Variants in PARD3 observed in about 807,000 individuals in gnomAD.
PARD3 encodes the protein partitioning defective 3 homolog.
Under a neutral mutation model 155.4 loss-of-function variants are expected in PARD3, and 75 were observed. The observed-to-expected ratio is 0.48, with a 90% CI of 0.40 to 0.58. The LOEUF is 0.58. Ranked by LOEUF, PARD3 falls within the 20% of genes least tolerant of loss-of-function variation. The pLI is 0.00. For missense variants in PARD3, 1,642 were observed against 1,721.7 expected (o/e 0.95, Z 0.82); for synonymous variants, 576 against 610.5 (o/e 0.94, Z 0.83).
chr10:34,813,847 CAA>C (rs1433914805), intron 1 of PARD3, among the ~76,000 whole-genome samples: 1 of 152,192 alleles, frequency 6.6e-6, no homozygotes, highest in Non-Finnish European at 1.5e-5. Flanking sequence ...CGCTCCCCAC[CAA>C]AGAGGACTCT....
intron 2 of PARD3, among the ~76,000 whole-genome samples, chr10:34,520,575 C>G (rs1642976377): frequency 1.3e-5 from 2 of 152,160 alleles, no homozygotes; most frequent in African/African-American, 4.8e-5. Flanking sequence ...AATGGGCAAA[C>G]TTTCTCGAAA....
At chr10:34,375,903 G>A (rs1201664853) in intron 10 of PARD3, among the ~76,000 whole-genome samples, 1 of 152,074 alleles carries the variant, frequency 6.6e-6, no homozygotes, top group East Asian at 1.9e-4. Context: ...CAGACAGAAG[G>A]ACTGAATTCA....
At chr10:34,689,062 G>A (rs74132092) in intron 2 of PARD3, among the ~76,000 whole-genome samples, 4,596 of 152,178 alleles carry the variant, frequency 0.03, 224 homozygotes, top group African/African-American at 0.1. Context: ...AGGTATCTAC[G>A]TTTTCAACAT....
At chr10:34,553,035 T>C (rs566630905) in intron 2 of PARD3, among the ~76,000 whole-genome samples, 26 of 152,268 alleles carry the variant, frequency 1.7e-4, no homozygotes, top group African/African-American at 5.8e-4. Context: ...TGCCACATAA[T>C]GAACTAAACA....
At chr10:34,534,524 G>C (rs572335488) in intron 2 of PARD3, among the ~76,000 whole-genome samples, 1 of 152,106 alleles carries the variant, frequency 6.6e-6, no homozygotes, top group Non-Finnish European at 1.5e-5. Context: ...GTTTCTGTTC[G>C]TCTAATAAAT....
chr10:34,682,969 G>A (rs779138105), intron 2 of PARD3, among the ~76,000 whole-genome samples: 24 of 152,180 alleles, frequency 1.6e-4, no homozygotes, highest in African/African-American at 3.4e-4. Flanking sequence ...GATGGTGGCC[G>A]ACAACGGCAA....
intron 1 of PARD3, among the ~76,000 whole-genome samples, chr10:34,787,695 T>A (rs987092284): frequency 6.6e-6 from 1 of 151,796 alleles, no homozygotes; most frequent in Admixed American, 6.6e-5. Context: ...ACCGTCATAG[T>A]CATAATCCAG....
At chr10:34,356,919 T>C (rs80097920) in intron 14 of PARD3, among the ~76,000 whole-genome samples, 6,353 of 152,292 alleles carry the variant, frequency 0.042, 434 homozygotes, top group African/African-American at 0.15. Context: ...TCCTAAGAAA[T>C]AGTAATAACC....
chr10:34,583,843 T>A (rs2087738044), intron 2 of PARD3, among the ~76,000 whole-genome samples: 1 of 152,276 alleles, frequency 6.6e-6, no homozygotes, highest in East Asian at 1.9e-4. Context: ...ATCAGTTTAA[T>A]GCTCCAATTT....
At chr10:34,482,593 AC>A (rs2079155281) in intron 3 of PARD3, among the ~76,000 whole-genome samples, 2 of 147,842 alleles carry the variant, frequency 1.4e-5, no homozygotes, top group Non-Finnish European at 2.9e-5. Context: ...AGTACTAAAT[AC>A]CATGAGAAGC....
At chr10:34,798,045 T>C (rs1842469682) in intron 1 of PARD3, among the ~76,000 whole-genome samples, 1 of 151,836 alleles carries the variant, frequency 6.6e-6, no homozygotes, top group Non-Finnish European at 1.5e-5. Context: ...ACAGACTGGA[T>C]ATGGTAGCTC....
intron 22 of PARD3, among the ~76,000 whole-genome samples, chr10:34,184,230 A>G (rs1035888431): frequency 1.3e-5 from 2 of 152,246 alleles, no homozygotes; most frequent in Non-Finnish European, 2.9e-5. Flanking sequence ...CAGGAGAGGA[A>G]CTGAATTGTT....
intron 2 of PARD3, among the ~76,000 whole-genome samples, chr10:34,520,544 C>T (rs1338839724): frequency 1.3e-5 from 2 of 152,164 alleles, no homozygotes; most frequent in Non-Finnish European, 2.9e-5. Context: ...GAGACACAGA[C>T]ATTCCACTAG....
intron 4 of PARD3, among the ~76,000 whole-genome samples, chr10:34,451,876 A>G (rs2077080526): frequency 6.6e-6 from 1 of 151,934 alleles, no homozygotes; most frequent in African/African-American, 2.4e-5. Flanking sequence ...CAAGATACTA[A>G]GAGTCTCTCC....
chr10:34,167,118 TGG>T lies in PARD3; in HGVS notation c.3420-35537_3420-35536del, dbSNP rs1432291253. Among the ~76,000 whole-genome samples the T allele has an allele frequency of 4.6e-5, 7 of 152,354 alleles. No individual in the cohort carries two copies. In the East Asian group the frequency reaches 1.4e-3, roughly 29 times the overall value. ...TGTCTAAATCTGCCGCTTACGGGCCTGGGTCTGTGTGTCTGAGGGAATAACCT... is the reference window on the plus strand; with the variant it reads ...TGTCTAAATCTGCCGCTTACGGGCCTGTCTGTGTGTCTGAGGGAATAACCT... On this transcript the variant is annotated intron_variant, in intron 22 of 24. Coordinates refer to ENST00000374788, the MANE Select transcript of PARD3 (RefSeq NM_001184785.2).
chr10:34,651,697 TATC>T (rs1303541484), intron 2 of PARD3, among the ~76,000 whole-genome samples: 1 of 152,184 alleles, frequency 6.6e-6, no homozygotes, highest in Non-Finnish European at 1.5e-5. Context: ...GCAAAAACTG[TATC>T]ATATTAGTTA....
At chr10:34,637,291 C>G (rs1412397003) in intron 2 of PARD3, among the ~76,000 whole-genome samples, 4 of 152,084 alleles carry the variant, frequency 2.6e-5, no homozygotes, top group Admixed American at 2.6e-4. Context: ...AGCTTTTTCC[C>G]AACTAACTCC....
intron 22 of PARD3, among the ~76,000 whole-genome samples, chr10:34,150,914 C>T (rs963566761): frequency 1.2e-4 from 19 of 152,182 alleles, no homozygotes; most frequent in African/African-American, 3.9e-4. Flanking sequence ...GAGATGAATA[C>T]CTGCTGTCAC....
At chr10:34,549,509 T>C (rs928519398) in intron 2 of PARD3, among the ~76,000 whole-genome samples, 1 of 151,868 alleles carries the variant, frequency 6.6e-6, no homozygotes, top group East Asian at 1.9e-4. Flanking sequence ...TTGTTTGTTT[T>C]GGCTGCTGAT....
Sources: gnomAD v4.1 joint callset for allele counts (sites outside exome capture counted in the v4.1 genomes callset) on GRCh38, gnomAD v4.1.1 for gene constraint, MANE v1.5 for transcripts, NCBI Gene and HGNC (gene_info 2026-07-23, HGNC 2026-07-21) for gene names.